Variants in MAP3K9 observed in about 807,000 individuals in gnomAD.
MAP3K9 encodes the protein mitogen-activated protein kinase kinase kinase 9.
A neutral mutation model predicts 95.8 loss-of-function variants in MAP3K9; 46 were observed. The ratio of observed to expected loss-of-function variants is 0.48; its 90% CI spans 0.38 to 0.61. MAP3K9 has a LOEUF of 0.61. MAP3K9 is among the 20% of genes least tolerant of loss of function. The pLI, the probability that MAP3K9 is intolerant of heterozygous loss-of-function variation, is 0.00. For missense variants in MAP3K9, 1,296 were observed against 1,474.3 expected, an observed-to-expected ratio of 0.88 and a Z score of 1.98; for synonymous variants, 533 against 593.8, an observed-to-expected ratio of 0.90 and a Z score of 1.49.
chr14:70,758,167 G>T (rs111312757), intron 3 of MAP3K9, among the ~76,000 whole-genome samples: 3,571 of 152,072 alleles, frequency 0.023, 54 homozygotes, highest in Middle Eastern at 0.037. Context: ...GAATAGAAAG[G>T]ACTCTTTCAG....
chr14:70,738,399 C>G lies in MAP3K9; in HGVS notation c.1691-1G>C. On this transcript the variant is annotated splice_acceptor_variant, in intron 7 of 11. Coordinates refer to ENST00000554752, the MANE Select transcript of MAP3K9 (RefSeq NM_001284230.2). LOFTEE classifies it high-confidence loss of function. Reference sequence around the variant, plus strand: ...GTTTTGCTGCTTTCACCTGGTGTCACTGTGAATCACAAGGGTTGGATAGGA... The same window carrying G: ...GTTTTGCTGCTTTCACCTGGTGTCAGTGTGAATCACAAGGGTTGGATAGGA... 1.2e-6 allele frequency: 2 copies of G among 1,613,598 alleles called. No homozygotes were observed. The highest frequency in any genetic ancestry group is 1.7e-6 in the Non-Finnish European group (2 of 1,179,782).
In MAP3K9 at chr14:70,733,216, T is replaced by C. The variant is rs1248282828; in HGVS notation, c.2153A>G (p.His718Arg). 2.5e-6 allele frequency: 4 copies of C among 1,611,514 alleles called. No homozygotes were observed. Among genetic ancestry groups the C allele is most frequent in the East Asian group, 4.5e-5 (2 of 44,798 alleles). Residue 718 changes from histidine (H) to arginine (R), a missense_variant, in exon 11 of 12, where the codon CAT (histidine) becomes CGT (arginine). Physicochemically the swap from His to Arg is conservative, Grantham distance 29. Around this residue, in one of 5 missense-constraint regions of MAP3K9, gnomAD observed 377 missense variants for 417.1 expected, o/e 0.90. Transcript: ENST00000554752. ...DGDGPSSDGI[H>R]EEPTPVNSAT... Reference sequence around the variant, plus strand: ...CGAGTTGACTGGGGTGGGCTCCTCATGGATTCCATCACTGGAGGGGCCATC... The same window carrying C: ...CGAGTTGACTGGGGTGGGCTCCTCACGGATTCCATCACTGGAGGGGCCATC...
rs1206611861 is a variant in MAP3K9 at position 70,794,938 on chromosome 14, A to G, written c.820+5729T>C. On this transcript the variant is annotated intron_variant, in intron 2 of 11. Coordinates refer to ENST00000554752, the MANE Select transcript of MAP3K9 (RefSeq NM_001284230.2). ...GTGATCCACCTGTCTCGGCCTCCCA[A>G]TGTGCTAGGATTACAAGAATGAGCC... 7.7e-5 allele frequency among the ~76,000 whole-genome samples: 11 copies of G among 143,128 alleles called. No homozygotes were observed. In the East Asian group the frequency reaches 1.2e-3, roughly 16 times the overall value. The allele number at this position is 143,128 out of a possible 152,430, so 93.9% of individuals were successfully genotyped here. A position where few individuals can be genotyped will look rare whatever the true frequency, so the allele number is the denominator to read the frequency against.
chr14:70,742,849 G>A (rs763817229), intron 5 of MAP3K9, among the ~76,000 whole-genome samples: 28 of 151,378 alleles, frequency 1.8e-4, no homozygotes, highest in Admixed American at 7.9e-4. Context: ...CTAGAAATGG[G>A]GGCTAAGAGT....
intron 7 of MAP3K9, among the ~76,000 whole-genome samples, chr14:70,738,865 GAAGA>G (rs1288060790): frequency 6.6e-6 from 1 of 152,136 alleles, no homozygotes; most frequent in Non-Finnish European, 1.5e-5. Context: ...GGGAGAAGGG[GAAGA>G]AAGAGGCCTA....
intron 2 of MAP3K9, among the ~76,000 whole-genome samples, chr14:70,761,957 T>C (rs1469125425): frequency 1.3e-5 from 2 of 152,232 alleles, no homozygotes; most frequent in Admixed American, 6.5e-5. Flanking sequence ...CCAATGTCCT[T>C]TGTCTTTATA....
chr14:70,754,922 T>C (rs112671410), intron 3 of MAP3K9, among the ~76,000 whole-genome samples: 6 of 152,150 alleles, frequency 3.9e-5, no homozygotes, highest in East Asian at 3.8e-4. Flanking sequence ...ATTTCAGCAA[T>C]AGCCTTCTTG....
At chr14:70,796,375 G>A (rs1211212812) in intron 2 of MAP3K9, among the ~76,000 whole-genome samples, 3 of 152,206 alleles carry the variant, frequency 2.0e-5, no homozygotes, top group Non-Finnish European at 4.4e-5. Context: ...TGAGCCACAC[G>A]TCCCAGGGCC....
At position 70,739,992 on chromosome 14, in the gene MAP3K9, C is replaced by G. The variant is rs752509029; in HGVS notation, c.1690+50G>C. 7 of 1,614,040 alleles carry G rather than the reference C, an allele frequency of 4.3e-6. No homozygotes were observed. The Admixed American group carries it at 6.7e-5, about 15-fold the overall frequency. ...GTCGGTGGCTGGACAGAGCAGGGGA[C>G]AGGTGCCCCTGTGTGTTCTGGCCCC... On this transcript the variant is annotated intron_variant, in intron 7 of 11. Transcript: ENST00000554752.
intron 2 of MAP3K9, among the ~76,000 whole-genome samples, chr14:70,782,625 T>G (rs1167794624): frequency 6.6e-6 from 1 of 152,202 alleles, no homozygotes; most frequent in Non-Finnish European, 1.5e-5. Context: ...AACCTCTCCA[T>G]GTAAGAGCAG....
Position 70,808,929 on chromosome 14 carries a change from C to T in MAP3K9, c.243G>A (p.Val81=), listed in dbSNP as rs370802446. The change falls in exon 1 of 12, where the codon GTG becomes GTA. Residue 81 remains valine, a synonymous_variant. Transcript: ENST00000554752. ...LTLRLGDVVE[V]LSKDSQVSGD... ...CGGACACCTGCGAGTCCTTGGACAG[C>T]ACCTCCACCACGTCGCCCAGCCGCA... The T allele has an allele frequency of 2.9e-5, 46 of 1,586,516 alleles. 2 individuals carry two copies. The Admixed American group carries it at 3.5e-4, about 12-fold the overall frequency.
intron 11 of MAP3K9, among the ~76,000 whole-genome samples, 194 bp downstream of exon 11, chr14:70,732,345 T>C (rs1235816260): frequency 6.6e-6 from 1 of 152,098 alleles, no homozygotes; most frequent in Non-Finnish European, 1.5e-5. Flanking sequence ...GGAAGACCCC[T>C]GAGGCACAGG....
chr14:70,788,896 C>G (rs758315561), intron 2 of MAP3K9, among the ~76,000 whole-genome samples: 1 of 152,150 alleles, frequency 6.6e-6, no homozygotes, highest in Non-Finnish European at 1.5e-5. Context: ...CCTGAATACT[C>G]CAGAGTCTTA....
chr14:70,787,344 T>C (rs1412308304), intron 2 of MAP3K9, among the ~76,000 whole-genome samples: 1 of 151,686 alleles, frequency 6.6e-6, no homozygotes, highest in African/African-American at 2.4e-5. Context: ...CCGTCTCTAC[T>C]AAAAATACAA....
intron 1 of MAP3K9, 93 bp from the exon 2 acceptor site, chr14:70,801,173 G>A: frequency 8.0e-7 from 1 of 1,245,346 alleles, no homozygotes; most frequent in Admixed American, 2.4e-5. Flanking sequence ...AACACGGCAA[G>A]TTGTCTGTTT....
chr14:70,730,555 G>C lies in MAP3K9; in HGVS notation c.3140C>G (p.Pro1047Arg), dbSNP rs752959427. The C allele has an allele frequency of 2.0e-5, 32 of 1,613,884 alleles. No individual in the cohort carries two copies. The highest frequency in any genetic ancestry group is 2.4e-5 in the Non-Finnish European group (28 of 1,180,036). Residue 1047 changes from proline to arginine, a missense_variant, in exon 12 of 12, where the codon CCT becomes CGT. Coordinates refer to ENST00000554752, the MANE Select transcript of MAP3K9 (RefSeq NM_001284230.2). ...ASSSSTVEER[P>R]GLPALLPFQA... is the part of the protein sequence containing the mutation. ...GAACGGGAGCAGGGCTGGAAGTCCA[G>C]GCCGCTCCTCTACAGTGCTGCTACT...
intron 4 of MAP3K9, 46 bp from the exon 5 acceptor site, chr14:70,749,050 C>A: frequency 1.3e-6 from 2 of 1,576,412 alleles, no homozygotes; most frequent in Non-Finnish European, 1.7e-6. Flanking sequence ...TGGACAGAAG[C>A]AAACATGTAA....
At chr14:70,781,274 G>C (rs910668206) in intron 2 of MAP3K9, among the ~76,000 whole-genome samples, 1 of 152,248 alleles carries the variant, frequency 6.6e-6, no homozygotes, top group African/African-American at 2.4e-5. Flanking sequence ...AGAGAGCCAT[G>C]CTCATGGACA....
intron 6 of MAP3K9, among the ~76,000 whole-genome samples, chr14:70,742,078 C>T (rs551199226): frequency 6.6e-6 from 1 of 152,296 alleles, no homozygotes; most frequent in South Asian, 2.1e-4. Context: ...TGAGATGTGC[C>T]CCTGTGAGCC....
Sources: gnomAD v4.1 joint callset for allele counts (sites outside exome capture counted in the v4.1 genomes callset) on GRCh38, gnomAD v4.1.1 for gene constraint, gnomAD v4.1.1 regional missense constraint, MANE v1.5 for transcripts, NCBI Gene and HGNC (gene_info 2026-07-23, HGNC 2026-07-21) for gene names.